ASB5: variants seen among roughly 807,000 people sequenced by gnomAD.
The protein encoded by ASB5 is ankyrin repeat and SOCS box containing 5.
ASB5 carries 45 observed loss-of-function variants against 42.1 expected under a neutral mutation model. That is an observed-to-expected ratio of 1.07 (90% CI 0.84 to 1.37). ASB5 has a LOEUF of 1.37. ASB5 is among the 40% of genes most tolerant of loss of function. The pLI is 0.00. For synonymous variants in ASB5, 147 were observed against 150.6 expected (o/e 0.98, Z 0.18); for missense variants, 402 against 399.8 (o/e 1.01, Z -0.05).
intron 1 of ASB5, among the ~76,000 whole-genome samples, chr4:176,232,155 T>C (rs1282191415): frequency 6.6e-6 from 1 of 151,370 alleles, no homozygotes; most frequent in African/African-American, 2.4e-5. Flanking sequence ...GGAGTTTTGC[T>C]CTTGTCACCC....
chr4:176,247,043 C>T (rs551612939), intron 1 of ASB5, among the ~76,000 whole-genome samples: 32 of 152,118 alleles, frequency 2.1e-4, no homozygotes, highest in African/African-American at 7.2e-4. Context: ...TTTCTCTCTG[C>T]CCTTGACAAA....
At chr4:176,229,829 G>C (rs1753480500) in intron 1 of ASB5, among the ~76,000 whole-genome samples, 1 of 152,214 alleles carries the variant, frequency 6.6e-6, no homozygotes. Context: ...CCATCTTGCA[G>C]GAACAAGGCA....
chr4:176,217,880 T>C (rs1336822267), intron 5 of ASB5, among the ~76,000 whole-genome samples: 1 of 152,014 alleles, frequency 6.6e-6, no homozygotes, highest in Non-Finnish European at 1.5e-5. Context: ...TCTTTAAAAC[T>C]AATGATGTCT....
intron 6 of ASB5, among the ~76,000 whole-genome samples, chr4:176,216,443 C>T (rs4444775): frequency 0.13 from 19,698 of 152,052 alleles, 1,568 homozygotes; most frequent in East Asian, 0.36. Context: ...CTCCGCCTCC[C>T]GGGTTCAAGT....
At chr4:176,269,319 G>A (rs750243710), upstream of ASB5, 1 of 378,800 alleles carries the variant, frequency 2.6e-6, no homozygotes, top group Non-Finnish European at 4.7e-6. Flanking sequence ...ATTGCATCAC[G>A]TGTCACAAGT....
At chr4:176,241,424 T>A in intron 1 of ASB5, 1 of 1,497,328 alleles carries the variant, frequency 6.7e-7, no homozygotes, top group South Asian at 1.2e-5. Context: ...TAAAACCTCC[T>A]TAAATCATCA....
Position 176,215,328 on chromosome 4 carries a change from A to T in ASB5, c.*272T>A, listed in dbSNP as rs535570026. On this transcript the variant is annotated 3_prime_UTR_variant, in exon 7 of 7. Transcript: ENST00000296525. Reference sequence around the variant, plus strand: ...TTTCCAATCCAAAAGAAAACATAAGATAGTGACTTTATTATTTTTTCCTGA... The same window carrying T: ...TTTCCAATCCAAAAGAAAACATAAGTTAGTGACTTTATTATTTTTTCCTGA... 4.5e-6 allele frequency: 1 copy of T among 223,262 alleles called. No individual in the cohort carries two copies. Among genetic ancestry groups the T allele is most frequent in the Non-Finnish European group, 8.6e-6 (1 of 116,200 alleles). 13.8% of individuals were successfully genotyped at this position (223,262 alleles called of 1,614,324 possible).
chr4:176,245,413 A>T (rs1753891120), intron 1 of ASB5, among the ~76,000 whole-genome samples: 1 of 152,160 alleles, frequency 6.6e-6, no homozygotes. Flanking sequence ...GCTGGAGAGG[A>T]TGTGGAGAAA....
intron 1 of ASB5, among the ~76,000 whole-genome samples, chr4:176,254,508 C>CT (rs1312561055): frequency 2.0e-5 from 3 of 149,868 alleles, no homozygotes; most frequent in African/African-American, 7.4e-5. Flanking sequence ...TTATGAAAGA[C>CT]TTTATGACTA....
In ASB5 at chr4:176,221,202, G is replaced by C. The variant is rs1753193927; in HGVS notation, c.623C>G (p.Ala208Gly). ...GCAATGGAATTGCTGTGACATACAAGCTACATAGAGAGGAGTTCCCAAATG... is the reference window on the plus strand; with the variant it reads ...GCAATGGAATTGCTGTGACATACAACCTACATAGAGAGGAGTTCCCAAATG... ...IPHLGTPLYVACMSQQFHCIW... is the reference protein window; with the variant it reads ...IPHLGTPLYVGCMSQQFHCIW... Residue 208 changes from alanine to glycine, a missense_variant, in exon 5 of 7, where the codon GCT (alanine) becomes GGT (glycine). Coordinates refer to ENST00000296525, the MANE Select transcript of ASB5 (RefSeq NM_080874.4). 1 of 1,614,158 alleles carries C rather than the reference G, an allele frequency of 6.2e-7. No individual in the cohort carries two copies. Among genetic ancestry groups the C allele is most frequent in the Non-Finnish European group, 8.5e-7 (1 of 1,180,020 alleles).
chr4:176,257,845 A>C (rs1337805887), intron 1 of ASB5, among the ~76,000 whole-genome samples: 4 of 152,070 alleles, frequency 2.6e-5, no homozygotes. Flanking sequence ...ACCCGAAAAA[A>C]CTGACAACTT....
chr4:176,220,114 G>T (rs6810950), intron 5 of ASB5, among the ~76,000 whole-genome samples: 32,625 of 152,104 alleles, frequency 0.21, 3,606 homozygotes, highest in African/African-American at 0.26. Flanking sequence ...ATCCTGGGCC[G>T]CATGGGGCCC....
chr4:176,219,139 TATATAAATATATATTTGTATGAC>T (rs1561250741), intron 5 of ASB5, among the ~76,000 whole-genome samples: 3 of 118,614 alleles, frequency 2.5e-5, no homozygotes, highest in Non-Finnish European at 4.7e-5. Context: ...ATTTGTATGA[TATATAAATATATATTTGTATGAC>T]ATATAAATAT....
At chr4:176,274,783 C>A (rs1160068536) in intron 2 of ASB5, among the ~76,000 whole-genome samples, 1 of 152,044 alleles carries the variant, frequency 6.6e-6, no homozygotes, top group African/African-American at 2.4e-5. Flanking sequence ...TTTTAACTAA[C>A]CACATATTTG....
intron 1 of ASB5, among the ~76,000 whole-genome samples, chr4:176,267,926 G>C (rs1218765475): frequency 2.0e-5 from 3 of 152,030 alleles, no homozygotes. Context: ...AAAAATGTAG[G>C]AACATGGATT....
At chr4:176,249,937 C>A (rs939919978) in intron 1 of ASB5, among the ~76,000 whole-genome samples, 3 of 151,618 alleles carry the variant, frequency 2.0e-5, no homozygotes, top group Admixed American at 2.0e-4. Flanking sequence ...TGGTGACGGG[C>A]GCCTGTAGTC....
At chr4:176,219,429 T>G (rs565201116) in intron 5 of ASB5, among the ~76,000 whole-genome samples, 524 of 83,646 alleles carry the variant, frequency 6.3e-3, no homozygotes, top group Middle Eastern at 0.019. Context: ...ATGTATGATA[T>G]ATAAATATAT....
chr4:176,218,644 A>C (rs374091072), intron 5 of ASB5, among the ~76,000 whole-genome samples: 1 of 39,662 alleles, frequency 2.5e-5, no homozygotes, highest in Non-Finnish European at 5.1e-5. Context: ...ATGATATATA[A>C]ATATATATAT....
intron 2 of ASB5, among the ~76,000 whole-genome samples, chr4:176,223,458 A>G (rs939947247): frequency 2.0e-5 from 3 of 152,198 alleles, no homozygotes; most frequent in Admixed American, 1.3e-4. Context: ...ATATCACACT[A>G]AAATAATTAA....
Sources: gnomAD v4.1 joint callset for allele counts (sites outside exome capture counted in the v4.1 genomes callset) on GRCh38, gnomAD v4.1.1 for gene constraint, MANE v1.5 for transcripts, NCBI Gene and HGNC (gene_info 2026-07-23, HGNC 2026-07-21) for gene names.